The following KCND2 variants were observed in gnomAD, a reference collection of about 807,000 sequenced individuals.
KCND2 encodes the protein A-type voltage-gated potassium channel KCND2.
Under a neutral mutation model 54.4 loss-of-function variants are expected in KCND2, and 16 were observed. The observed-to-expected ratio is 0.29, with a 90% CI of 0.20 to 0.45. The LOEUF is 0.45. Among genes scored for constraint, KCND2 ranks in the 20% least tolerant of loss-of-function variants. KCND2 has a pLI of 1.00. For synonymous variants in KCND2, 317 were observed against 310.7 expected (o/e 1.02, Z -0.21); for missense variants, 486 against 824.2 (o/e 0.59, Z 5.02).
chr7:120,513,486 G>C (rs1288539684), intron 1 of KCND2, among the ~76,000 whole-genome samples: 1 of 151,944 alleles, frequency 6.6e-6, no homozygotes, highest in Non-Finnish European at 1.5e-5. Context: ...TACACATTTA[G>C]ATACTCTATT....
intron 1 of KCND2, among the ~76,000 whole-genome samples, chr7:120,306,179 C>T (rs564366712): frequency 5.9e-5 from 9 of 152,184 alleles, no homozygotes; most frequent in African/African-American, 2.2e-4. Flanking sequence ...ATTGCCTTGA[C>T]ATTGTGGTAT....
intron 1 of KCND2, among the ~76,000 whole-genome samples, chr7:120,607,141 GTAAAGT>G (rs1482211763): frequency 1.3e-5 from 2 of 151,910 alleles, no homozygotes; most frequent in Non-Finnish European, 2.9e-5. Flanking sequence ...ATGAGAACAG[GTAAAGT>G]TAAAACACCA....
At chr7:120,314,570 A>G (rs994718850) in intron 1 of KCND2, among the ~76,000 whole-genome samples, 2 of 152,202 alleles carry the variant, frequency 1.3e-5, no homozygotes, top group African/African-American at 4.8e-5. Context: ...ATCATATTTT[A>G]TGCACAGATA....
intron 1 of KCND2, among the ~76,000 whole-genome samples, chr7:120,303,670 G>A (rs1396300812): frequency 6.6e-6 from 1 of 152,170 alleles, no homozygotes; most frequent in African/African-American, 2.4e-5. Flanking sequence ...TTCATCCAGA[G>A]CAGCAGAAGA....
At chr7:120,384,139 G>A (rs924808534) in intron 1 of KCND2, among the ~76,000 whole-genome samples, 12 of 152,082 alleles carry the variant, frequency 7.9e-5, no homozygotes, top group African/African-American at 2.6e-4. Context: ...TAAATACGAT[G>A]TAAACAGTTA....
At chr7:120,742,203 T>C (rs2116177878) in intron 3 of KCND2, 1 of 347,168 alleles carries the variant, frequency 2.9e-6, no homozygotes. Flanking sequence ...CTAAGCACTA[T>C]GCTAAATTTG....
intron 1 of KCND2, among the ~76,000 whole-genome samples, chr7:120,340,881 A>G (rs538237157): frequency 6.6e-6 from 1 of 152,306 alleles, no homozygotes; most frequent in Admixed American, 6.5e-5. Flanking sequence ...AAGCAGGATT[A>G]TGTTTCAGAT....
chr7:120,569,331 G>A (rs554891821), intron 1 of KCND2, among the ~76,000 whole-genome samples: 3 of 152,186 alleles, frequency 2.0e-5, no homozygotes, highest in South Asian at 4.2e-4. Context: ...ATTTCTAATG[G>A]TTAATCATTG....
intron 1 of KCND2, among the ~76,000 whole-genome samples, chr7:120,604,548 A>G (rs1236699111): frequency 9.1e-6 from 1 of 109,856 alleles, no homozygotes; most frequent in African/African-American, 3.2e-5. Flanking sequence ...AATAATAATA[A>G]TAATATTACT....
rs957367572 is a variant in KCND2 at position 120,748,652 on chromosome 7, A to G, written c.*794A>G. The G allele has an allele frequency of 6.6e-6, 1 of 152,354 alleles. No homozygotes were observed. The highest frequency in any genetic ancestry group is 2.4e-5 in the African/African-American group (1 of 41,438). The allele number at this position is 152,354 out of a possible 1,614,324, so 9.4% of individuals were successfully genotyped here. ...GGAATCAGGATTTTTTTGTTGTTGTACTTTCCAGATCCTTATAGATACGGT... is the reference window on the plus strand; with the variant it reads ...GGAATCAGGATTTTTTTGTTGTTGTGCTTTCCAGATCCTTATAGATACGGT... On this transcript the variant is annotated 3_prime_UTR_variant, in exon 6 of 6. Coordinates refer to ENST00000331113, the MANE Select transcript of KCND2 (RefSeq NM_012281.3).
chr7:120,590,259 T>C (rs1368319844), intron 1 of KCND2, among the ~76,000 whole-genome samples: 1 of 152,170 alleles, frequency 6.6e-6, no homozygotes, highest in Non-Finnish European at 1.5e-5. Context: ...CCTCAAGATA[T>C]CTGCTCACTC....
At chr7:120,298,035 T>C (rs896237705) in intron 1 of KCND2, among the ~76,000 whole-genome samples, 1 of 152,174 alleles carries the variant, frequency 6.6e-6, no homozygotes, top group African/African-American at 2.4e-5. Flanking sequence ...GGAATTGAAT[T>C]TGTAATATTG....
At chr7:120,345,205 A>T (rs1800296902) in intron 1 of KCND2, among the ~76,000 whole-genome samples, 1 of 152,174 alleles carries the variant, frequency 6.6e-6, no homozygotes, top group Admixed American at 6.5e-5. Flanking sequence ...CAGGTGCCTA[A>T]AATGTAGGAT....
chr7:120,691,440 C>T (rs933190894), intron 1 of KCND2, among the ~76,000 whole-genome samples: 1 of 152,102 alleles, frequency 6.6e-6, no homozygotes, highest in African/African-American at 2.4e-5. Flanking sequence ...ATTAAGCTGG[C>T]ATAGTTTTCT....
chr7:120,695,115 G>A (rs1792317604), intron 1 of KCND2, among the ~76,000 whole-genome samples: 1 of 151,986 alleles, frequency 6.6e-6, no homozygotes, highest in Non-Finnish European at 1.5e-5. Flanking sequence ...ACTCCACGAT[G>A]CTAAATACAT....
At chr7:120,387,596 G>C (rs1801009036) in intron 1 of KCND2, among the ~76,000 whole-genome samples, 1 of 151,916 alleles carries the variant, frequency 6.6e-6, no homozygotes, top group South Asian at 2.1e-4. Context: ...AATCCAAACT[G>C]TATTTTATAA....
intron 1 of KCND2, among the ~76,000 whole-genome samples, chr7:120,649,664 C>A (rs1160964431): frequency 6.6e-6 from 1 of 151,828 alleles, no homozygotes. Flanking sequence ...TGGATATTAG[C>A]CCTTTGTCAA....
At chr7:120,680,199 A>C (rs1792121578) in intron 1 of KCND2, among the ~76,000 whole-genome samples, 1 of 152,122 alleles carries the variant, frequency 6.6e-6, no homozygotes, top group South Asian at 2.1e-4. Flanking sequence ...TAGAAGTTGG[A>C]ATAGAAAATA....
chr7:120,351,679 A>G (rs918248732), intron 1 of KCND2, among the ~76,000 whole-genome samples: 2 of 152,100 alleles, frequency 1.3e-5, no homozygotes, highest in Non-Finnish European at 2.9e-5. Context: ...GTGATTTGAC[A>G]TGTTCAAAAA....
Sources: allele counts gnomAD v4.1 joint callset (sites outside exome capture counted in the v4.1 genomes callset), GRCh38; gene constraint gnomAD v4.1.1; transcripts MANE v1.5; gene names NCBI Gene and HGNC (gene_info 2026-07-23, HGNC 2026-07-21).